The following NHS variants were observed in gnomAD, a reference collection of about 807,000 sequenced individuals.
NHS encodes NHS actin remodeling regulator, also known as actin remodeling regulator NHS.
NHS carries 5 observed loss-of-function variants against 72.5 expected under a neutral mutation model. The ratio of observed to expected loss-of-function variants is 0.07; its 90% CI spans 0.04 to 0.14. NHS has a LOEUF of 0.14. Among genes scored for constraint, NHS ranks in the 10% least tolerant of loss-of-function variants. The pLI, the probability that NHS is intolerant of heterozygous loss-of-function variation, is 1.00. For missense variants in NHS, 1,072 were observed against 1,355.7 expected (o/e 0.79, Z 3.29); for synonymous variants, 464 against 547.7 (o/e 0.85, Z 2.13).
intron 1 of NHS, among the ~76,000 whole-genome samples, chrX:17,448,543 T>G (rs2064792464): frequency 8.9e-6 from 1 of 112,172 alleles, no homozygotes; most frequent in Non-Finnish European, 1.9e-5. Flanking sequence ...CCAGCTCACA[T>G]AGTGCCATCT....
intron 1 of NHS, among the ~76,000 whole-genome samples, chrX:17,643,907 T>C (rs955150899): frequency 8.9e-6 from 1 of 111,845 alleles, no homozygotes; most frequent in African/African-American, 3.3e-5. Context: ...CAGGTCAGCA[T>C]GAAGAGATGG....
Position 17,615,182 on chromosome X carries a change from T to TAC in NHS, c.566-72559_566-72558insCA, listed in dbSNP as rs1402547496. ...TATACTATATATATACGTATATATA[T>TAC]AGTATATATACACATATATACGTAT... On this transcript the variant is annotated intron_variant, in intron 1 of 8. Coordinates refer to ENST00000676302, the MANE Select transcript of NHS (RefSeq NM_001291867.2). Among the ~76,000 whole-genome samples, 39 of 37,720 alleles carry TAC rather than the reference T, an allele frequency of 1.0e-3. No homozygotes were observed. In the East Asian group the frequency reaches 0.031, roughly 30 times the overall value. The allele number at this position is 37,720 out of a possible 115,157, so 32.8% of individuals were successfully genotyped here.
chrX:17,507,173 G>C (rs1210717543), intron 1 of NHS, among the ~76,000 whole-genome samples: 1 of 112,403 alleles, frequency 8.9e-6, no homozygotes, highest in Non-Finnish European at 1.9e-5. Flanking sequence ...CAGGACAAAA[G>C]TTTCTACTCT....
intron 1 of NHS, among the ~76,000 whole-genome samples, chrX:17,405,164 T>C (rs2146854798): frequency 8.9e-6 from 1 of 112,129 alleles, no homozygotes; most frequent in Non-Finnish European, 1.9e-5. Flanking sequence ...GACAGACAGA[T>C]GGAAGAAGAG....
At chrX:17,559,075 G>A (rs977358146) in intron 1 of NHS, among the ~76,000 whole-genome samples, 15 of 112,115 alleles carry the variant, frequency 1.3e-4, no homozygotes, top group African/African-American at 4.5e-4. Context: ...CATGTCCAGG[G>A]TAGCAAAAGC....
chrX:17,402,482 G>A (rs1355554452), intron 1 of NHS, among the ~76,000 whole-genome samples: 1 of 112,098 alleles, frequency 8.9e-6, no homozygotes, highest in Non-Finnish European at 1.9e-5. Flanking sequence ...ATAAAAAGGT[G>A]ACTAAAGGCA....
intron 3 of NHS, among the ~76,000 whole-genome samples, chrX:17,718,119 TA>T: frequency 9.0e-6 from 1 of 110,805 alleles, no homozygotes; most frequent in East Asian, 2.9e-4. Flanking sequence ...TTTACTCATT[TA>T]ATCCTCAAAA....
At chrX:17,469,397 C>T (rs12394392) in intron 1 of NHS, among the ~76,000 whole-genome samples, 24 of 111,771 alleles carry the variant, frequency 2.1e-4, no homozygotes, top group African/African-American at 7.2e-4. Flanking sequence ...TTTTTTCCTC[C>T]ATCTTCTCTA....
intron 1 of NHS, among the ~76,000 whole-genome samples, chrX:17,418,864 G>A (rs2064609457): frequency 8.9e-6 from 1 of 111,887 alleles, no homozygotes; most frequent in Non-Finnish European, 1.9e-5. Flanking sequence ...AGAAGGAAAA[G>A]AAAGAACAGC....
At chrX:17,713,633 A>G (rs2066347857) in intron 3 of NHS, among the ~76,000 whole-genome samples, 1 of 111,940 alleles carries the variant, frequency 8.9e-6, no homozygotes, top group African/African-American at 3.2e-5. Flanking sequence ...CCCCATCAGC[A>G]TATAAAATAT....
At chrX:17,684,783 G>C (rs1019376239) in intron 1 of NHS, among the ~76,000 whole-genome samples, 1 of 111,992 alleles carries the variant, frequency 8.9e-6, no homozygotes, top group Non-Finnish European at 1.9e-5. Context: ...GATTATACAG[G>C]GTATGTGCAC....
In NHS at chrX:17,469,888, C is replaced by T. The variant is rs763634346; in HGVS notation, c.565+93566C>T. Among the ~76,000 whole-genome samples the T allele has an allele frequency of 6.3e-5, 7 of 111,998 alleles. No individual in the cohort carries two copies. In the East Asian group the frequency reaches 2.0e-3, roughly 32 times the overall value. On this transcript the variant is annotated intron_variant, in intron 1 of 8. Coordinates refer to ENST00000676302, the MANE Select transcript of NHS (RefSeq NM_001291867.2). ...AAACTCCTTACCTCAGGTGATTGGC[C>T]CGCCTTGGCTTCCCAAAGTGCTGGG...
chrX:17,608,409 A>G (rs992075127), intron 1 of NHS, among the ~76,000 whole-genome samples: 6 of 112,176 alleles, frequency 5.3e-5, no homozygotes, highest in African/African-American at 1.9e-4. Context: ...ACACATTTCC[A>G]GGTAGCTAAG....
At chrX:17,572,412 A>G (rs2146975575) in intron 1 of NHS, among the ~76,000 whole-genome samples, 1 of 106,286 alleles carries the variant, frequency 9.4e-6, no homozygotes, top group African/African-American at 3.5e-5. Flanking sequence ...TCCCTTTACC[A>G]TTATATAATG....
chrX:17,581,525 G>T (rs746541977), intron 1 of NHS, among the ~76,000 whole-genome samples: 2 of 111,800 alleles, frequency 1.8e-5, no homozygotes, highest in Non-Finnish European at 3.8e-5. Context: ...AAGACACACA[G>T]GAGAAGTGTG....
chrX:17,708,504 C>T (rs1460572371), intron 3 of NHS, among the ~76,000 whole-genome samples: 1 of 111,942 alleles, frequency 8.9e-6, no homozygotes, highest in Non-Finnish European at 1.9e-5. Context: ...TAGAAGGATA[C>T]AAACACGAAT....
intron 1 of NHS, among the ~76,000 whole-genome samples, chrX:17,378,784 C>T (rs1338474151): frequency 8.9e-6 from 1 of 112,076 alleles, no homozygotes; most frequent in African/African-American, 3.2e-5. Context: ...TATTTATGCA[C>T]CAGCTTCTTC....
At chrX:17,635,414 A>G in intron 1 of NHS, 2 of 1,161,628 alleles carry the variant, frequency 1.7e-6, no homozygotes, top group Non-Finnish European at 2.3e-6. Flanking sequence ...AAAATCTGCC[A>G]TCCTCCTTGC....
chrX:17,706,719 A>G (rs1413009667), intron 3 of NHS, among the ~76,000 whole-genome samples: 1 of 111,960 alleles, frequency 8.9e-6, no homozygotes, highest in Non-Finnish European at 1.9e-5. Flanking sequence ...CACGGTATTG[A>G]GCACTTTGGC....
Sources: gnomAD v4.1 joint callset for allele counts (sites outside exome capture counted in the v4.1 genomes callset) on GRCh38, gnomAD v4.1.1 for gene constraint, MANE v1.5 for transcripts, NCBI Gene and HGNC (gene_info 2026-07-23, HGNC 2026-07-21) for gene names.